Variants in OPCML observed in about 807,000 individuals in gnomAD.
OPCML encodes opioid binding protein/cell adhesion molecule like.
In OPCML, 13 loss-of-function variants were observed where a neutral mutation model predicts 37.8. The observed-to-expected ratio is 0.34, with a 90% CI of 0.22 to 0.55. The LOEUF (loss-of-function observed/expected upper bound fraction) is 0.55, where lower values mean the gene tolerates loss of function less well. Among genes scored for constraint, OPCML ranks in the 20% least tolerant of loss-of-function variants. The pLI, the probability that OPCML is intolerant of heterozygous loss-of-function variation, is 0.91. For synonymous variants in OPCML, 176 were observed against 168.8 expected, an observed-to-expected ratio of 1.04 and a Z score of -0.33; for missense variants, 341 against 435.6, an observed-to-expected ratio of 0.78 and a Z score of 1.93.
intron 2 of OPCML, among the ~76,000 whole-genome samples, chr11:132,856,557 G>A (rs1942065215): frequency 6.6e-6 from 1 of 152,158 alleles, no homozygotes; most frequent in Non-Finnish European, 1.5e-5. Flanking sequence ...GCTGAAGCTG[G>A]TGATCAGTAG....
chr11:133,255,545 C>T (rs936686891), intron 1 of OPCML, among the ~76,000 whole-genome samples: 2 of 152,054 alleles, frequency 1.3e-5, no homozygotes, highest in African/African-American at 4.8e-5. Context: ...ACAAATAAAA[C>T]ATTTTTGGAT....
At chr11:133,085,910 T>C (rs1948811704) in intron 1 of OPCML, among the ~76,000 whole-genome samples, 1 of 152,206 alleles carries the variant, frequency 6.6e-6, no homozygotes, top group East Asian at 1.9e-4. Context: ...CTCTGGAAGC[T>C]AGTTGAATTG....
intron 1 of OPCML, among the ~76,000 whole-genome samples, chr11:133,181,256 C>T (rs571253760): frequency 6.7e-6 from 1 of 149,894 alleles, no homozygotes; most frequent in East Asian, 2.0e-4. Context: ...ACACACACAG[C>T]GGTGCACAAG....
chr11:133,055,895 AG>A (rs1186435316), intron 1 of OPCML, among the ~76,000 whole-genome samples: 1 of 148,068 alleles, frequency 6.8e-6, no homozygotes, highest in Non-Finnish European at 1.5e-5. Context: ...AGACCCCGTG[AG>A]GGAGACGCCT....
intron 2 of OPCML, among the ~76,000 whole-genome samples, chr11:132,817,405 T>C (rs908730837): frequency 1.3e-5 from 2 of 152,204 alleles, no homozygotes; most frequent in Non-Finnish European, 2.9e-5. Flanking sequence ...CTATTGACCC[T>C]GTAGTCTTAG....
At chr11:133,068,183 A>G (rs933064260) in intron 1 of OPCML, 6 of 152,194 alleles carry the variant, frequency 3.9e-5, no homozygotes, top group African/African-American at 1.2e-4. Context: ...AGCCTAGCTT[A>G]TTTCCTTAAG....
chr11:132,766,915 G>A (rs1946464086), intron 2 of OPCML, among the ~76,000 whole-genome samples: 2 of 152,122 alleles, frequency 1.3e-5, no homozygotes, highest in South Asian at 4.1e-4. Context: ...AGAATATCTT[G>A]TTCTTAACAT....
At chr11:133,508,405 C>A (rs984244078) in intron 1 of OPCML, among the ~76,000 whole-genome samples, 2 of 152,204 alleles carry the variant, frequency 1.3e-5, no homozygotes, top group African/African-American at 2.4e-5. Flanking sequence ...TTCTCTGAGC[C>A]TTTATTTGCA....
chr11:132,434,267 T>C (rs370607385), intron 7 of OPCML, among the ~76,000 whole-genome samples: 1 of 152,214 alleles, frequency 6.6e-6, no homozygotes, highest in East Asian at 1.9e-4. Context: ...GCAGTGATAG[T>C]TGAGGAGCTG....
At chr11:132,628,438 T>C (rs1156653756) in intron 3 of OPCML, among the ~76,000 whole-genome samples, 1 of 152,248 alleles carries the variant, frequency 6.6e-6, no homozygotes, top group Non-Finnish European at 1.5e-5. Context: ...TCTGATGCTT[T>C]GGCATCTGGG....
chr11:132,897,889 G>T (rs930230441), intron 2 of OPCML, among the ~76,000 whole-genome samples: 2 of 152,178 alleles, frequency 1.3e-5, no homozygotes, highest in African/African-American at 4.8e-5. Context: ...AGTCGGCAAA[G>T]GATGTGAAGT....
intron 1 of OPCML, among the ~76,000 whole-genome samples, chr11:133,274,789 A>T (rs962169050): frequency 8.0e-5 from 12 of 150,798 alleles, no homozygotes; most frequent in Admixed American, 6.5e-4. Flanking sequence ...AGAATTAATT[A>T]GTCAAGTTTA....
At chr11:132,950,661 T>C (rs146104173) in intron 1 of OPCML, among the ~76,000 whole-genome samples, 28 of 152,280 alleles carry the variant, frequency 1.8e-4, no homozygotes, top group African/African-American at 6.0e-4. Context: ...AAAGCTCTGC[T>C]GTGTGCATTT....
At chr11:132,729,378 C>A (rs998357622) in intron 2 of OPCML, among the ~76,000 whole-genome samples, 33 of 145,626 alleles carry the variant, frequency 2.3e-4, no homozygotes, top group Admixed American at 1.8e-3. Context: ...CGAACACACC[C>A]ATATTATAGA....
intron 1 of OPCML, among the ~76,000 whole-genome samples, chr11:133,315,705 C>T (rs1360800979): frequency 6.6e-6 from 1 of 152,014 alleles, no homozygotes; most frequent in African/African-American, 2.4e-5. Flanking sequence ...GGCTGAGGCA[C>T]AAGAATTGCT....
chr11:132,609,222 T>G (rs73049185), intron 3 of OPCML, among the ~76,000 whole-genome samples: 4,581 of 152,324 alleles, frequency 0.03, 134 homozygotes, highest in East Asian at 0.056. Flanking sequence ...CTGCCTATTC[T>G]GTCAGGAATT....
intron 7 of OPCML, chr11:132,435,309 G>C: frequency 3.3e-6 from 4 of 1,227,670 alleles, no homozygotes; most frequent in Non-Finnish European, 4.3e-6. Flanking sequence ...TGTGTCTGAG[G>C]TGCACGTGGA....
At chr11:132,828,264 A>C (rs1008299038) in intron 2 of OPCML, among the ~76,000 whole-genome samples, 1 of 152,196 alleles carries the variant, frequency 6.6e-6, no homozygotes, top group Non-Finnish European at 1.5e-5. Context: ...CGCGTGGAAC[A>C]CAGAAGACAC....
intron 2 of OPCML, among the ~76,000 whole-genome samples, chr11:132,929,425 A>G (rs945045213): frequency 2.1e-4 from 32 of 152,186 alleles, no homozygotes; most frequent in Non-Finnish European, 4.4e-5. Flanking sequence ...CTCCCAAAAA[A>G]GAAAAGCCCA....
Sources: gnomAD v4.1 joint callset for allele counts (sites outside exome capture counted in the v4.1 genomes callset) on GRCh38, gnomAD v4.1.1 for gene constraint, MANE v1.5 for transcripts, NCBI Gene and HGNC (gene_info 2026-07-23, HGNC 2026-07-21) for gene names.